The following NRK variants were observed in gnomAD, a reference collection of about 807,000 sequenced individuals.
The protein encoded by NRK is Nik related kinase.
NRK carries 67 observed loss-of-function variants against 125.2 expected under a neutral mutation model. The observed-to-expected ratio is 0.54, with a 90% CI of 0.44 to 0.66. The LOEUF is 0.66. Among genes scored for constraint, NRK ranks in the 30% least tolerant of loss-of-function variants. NRK has a pLI of 0.00. For synonymous variants in NRK, 458 were observed against 429.0 expected (o/e 1.07, Z -0.84); for missense variants, 1,224 against 1,192.9 (o/e 1.03, Z -0.38).
intron 25 of NRK, 101 bp from the exon 26 acceptor site, chrX:105,946,214 G>C: frequency 1.2e-6 from 1 of 837,817 alleles, no homozygotes; most frequent in Non-Finnish European, 1.7e-6. Flanking sequence ...ATCCACCTGG[G>C]TTTTGTACAC....
At chrX:105,855,797 A>G (rs1378590977) in intron 2 of NRK, among the ~76,000 whole-genome samples, 1 of 111,880 alleles carries the variant, frequency 8.9e-6, no homozygotes, top group East Asian at 2.8e-4. Flanking sequence ...AAACCACTCT[A>G]AAGTACCTTA....
intron 2 of NRK, among the ~76,000 whole-genome samples, chrX:105,876,170 TAGAC>T (rs1371009947): frequency 3.3e-4 from 36 of 110,473 alleles, no homozygotes; most frequent in African/African-American, 8.5e-4. Context: ...AAATTTCAGT[TAGAC>T]AGAAGAATAA....
Position 105,822,889 on chromosome X carries a change from T to TG in NRK, c.47dup (p.His17ProfsTer13). 1 of 1,169,540 alleles carries TG rather than the reference T, an allele frequency of 8.6e-7. No homozygotes were observed. On this transcript the variant is annotated frameshift_variant, in exon 1 of 29. Coordinates refer to ENST00000243300, the MANE Select transcript of NRK (RefSeq NM_198465.4). LOFTEE classifies it high-confidence loss of function. Reference sequence around the variant, plus strand: ...TGGAGGGACAGGGAGGTCACGGATCTGGGCCACCTGCCGGTGAGTAGAGGA... The same window carrying TG: ...TGGAGGGACAGGGAGGTCACGGATCTGGGGCCACCTGCCGGTGAGTAGAGGA...
intron 9 of NRK, among the ~76,000 whole-genome samples, chrX:105,904,188 A>G (rs1217971931): frequency 8.9e-6 from 1 of 111,960 alleles, no homozygotes; most frequent in Non-Finnish European, 1.9e-5. Flanking sequence ...ACACACTTGT[A>G]ATGTTAGATG....
intron 1 of NRK, among the ~76,000 whole-genome samples, chrX:105,824,198 T>G (rs1177787641): frequency 2.7e-5 from 3 of 112,136 alleles, no homozygotes; most frequent in Non-Finnish European, 3.8e-5. Context: ...CAATTATTTA[T>G]GCAGCTTCAT....
chrX:105,899,269 A>G (rs754956308), intron 8 of NRK, among the ~76,000 whole-genome samples: 1 of 112,270 alleles, frequency 8.9e-6, no homozygotes, highest in South Asian at 3.7e-4. Flanking sequence ...AACAATATAC[A>G]TATATCCATG....
chrX:105,903,548 T>G, intron 9 of NRK, among the ~76,000 whole-genome samples: 1 of 111,980 alleles, frequency 8.9e-6, no homozygotes, highest in Non-Finnish European at 1.9e-5. Context: ...GGCTTGCTGT[T>G]TCAAAGGAAT....
At chrX:105,912,425 A>G (rs1453127284) in intron 13 of NRK, among the ~76,000 whole-genome samples, 1 of 111,014 alleles carries the variant, frequency 9.0e-6, no homozygotes, top group Non-Finnish European at 1.9e-5. Context: ...GACAGTCTAT[A>G]GCATTTCTCA....
At position 105,953,067 on chromosome X, in the gene NRK, G is replaced by A. The variant is rs186516629; in HGVS notation, c.4547G>A (p.Gly1516Asp). 2 of 1,189,083 alleles carry A rather than the reference G, an allele frequency of 1.7e-6. No homozygotes were observed. The highest frequency in any genetic ancestry group is 4.4e-5 in the Admixed American group (2 of 45,027). Residue 1516 changes from glycine to aspartate, a missense_variant, in exon 28 of 29, where the codon GGC becomes GAC. By Grantham distance (94) the Gly-to-Asp change is moderately conservative. Coordinates refer to ENST00000243300, the MANE Select transcript of NRK (RefSeq NM_198465.4). The part of the protein sequence containing the change: ...FECTQRTTGW[G>D]QKAIEVRSLQ... ...TGTACACAGCGAACCACAGGATGGG[G>A]CCAAAAGGCCATTGAAGTGCGCTCT...
chrX:105,856,846 A>G (rs1190793760), intron 2 of NRK, among the ~76,000 whole-genome samples: 1 of 111,665 alleles, frequency 9.0e-6, no homozygotes, highest in Non-Finnish European at 1.9e-5. Context: ...ATCTGGGGTC[A>G]GATTTTCTGG....
chrX:105,868,699 T>C (rs1046362862), intron 2 of NRK, among the ~76,000 whole-genome samples: 2 of 108,191 alleles, frequency 1.8e-5, no homozygotes, highest in African/African-American at 6.7e-5. Flanking sequence ...TCCACCATAC[T>C]TTCCCCCCAT....
chrX:105,945,923 G>T lies in NRK; in HGVS notation c.4111G>T (p.Ala1371Ser). The change falls in exon 25 of 29, where the codon GCC (alanine) becomes TCC (serine). Residue 1371 changes from alanine to serine, a missense_variant. Ala to Ser is a moderately conservative substitution (Grantham distance 99). Transcript: ENST00000243300. ...TGAAGGAGACTACATGTCCTATCAAGCCTATATACGAATACTGGCAAAAAT... is the reference window on the plus strand; with the variant it reads ...TGAAGGAGACTACATGTCCTATCAATCCTATATACGAATACTGGCAAAAAT... ...DSEGDYMSYQAYIRILAKIQA... is the reference protein window; with the variant it reads ...DSEGDYMSYQSYIRILAKIQA... 1 of 1,205,587 alleles carries T rather than the reference G, an allele frequency of 8.3e-7. No homozygotes were observed. Among genetic ancestry groups the T allele is most frequent in the Non-Finnish European group, 1.1e-6 (1 of 890,234 alleles).
chrX:105,952,516 G>A (rs1162351808), intron 27 of NRK, among the ~76,000 whole-genome samples: 2 of 112,201 alleles, frequency 1.8e-5, no homozygotes, highest in Non-Finnish European at 3.8e-5. Flanking sequence ...CTTTGGTTCT[G>A]CTTACAACAT....
At position 105,905,326 on chromosome X, in the gene NRK, A is replaced by C. The variant is rs942356550; in HGVS notation, c.828A>C (p.Thr276=). ...TTATTTTGCGGGAATCTGCTCCCAC[A>C]GTCAAATCCAGCGGATGGTAAAGAT... ...LFVILRESAP[T]VKSSGWSRKF... is the part of the protein sequence containing the mutation. Residue 276 remains threonine (T), a synonymous_variant, in exon 10 of 29, where the codon ACA becomes ACC. Transcript: ENST00000243300. The C allele has an allele frequency of 1.2e-5, 14 of 1,192,254 alleles. No homozygotes were observed. Among genetic ancestry groups the C allele is most frequent in the Non-Finnish European group, 1.5e-5 (13 of 878,774 alleles).
intron 2 of NRK, among the ~76,000 whole-genome samples, chrX:105,860,175 T>A (rs1271029262): frequency 9.0e-6 from 1 of 111,501 alleles, no homozygotes; most frequent in African/African-American, 3.3e-5. Context: ...TGCCTTATAG[T>A]CACAGAGTTA....
chrX:105,851,865 T>C (rs2039475903), intron 2 of NRK, among the ~76,000 whole-genome samples: 1 of 110,982 alleles, frequency 9.0e-6, no homozygotes, highest in African/African-American at 3.3e-5. Context: ...TTGGTTACAA[T>C]GACCCTCCAC....
intron 4 of NRK, among the ~76,000 whole-genome samples, chrX:105,884,042 CT>C: frequency 8.9e-6 from 1 of 112,371 alleles, no homozygotes; most frequent in Admixed American, 9.4e-5. Context: ...TTGAAGGGAA[CT>C]TATTAACTGA....
At chrX:105,881,601 T>C (rs2039885212) in intron 3 of NRK, 107 bp from the exon 4 acceptor site, 4 of 413,886 alleles carry the variant, frequency 9.7e-6, no homozygotes, top group Non-Finnish European at 1.7e-5. Flanking sequence ...AGAGGAATAA[T>C]GTTATCTTAC....
chrX:105,923,556 CA>C (rs1177329954), intron 18 of NRK, 74 bp downstream of exon 18: 12 of 709,517 alleles, frequency 1.7e-5, no homozygotes, highest in African/African-American at 2.2e-5. Context: ...GGTTTATTTT[CA>C]AAATTTATTA....
Sources: allele counts gnomAD v4.1 joint callset (sites outside exome capture counted in the v4.1 genomes callset), GRCh38; gene constraint gnomAD v4.1.1; transcripts MANE v1.5; gene names NCBI Gene and HGNC (gene_info 2026-07-23, HGNC 2026-07-21).